USP25: variants seen among roughly 807,000 people sequenced by gnomAD.
USP25 encodes ubiquitin specific peptidase 25.
In USP25, 85 loss-of-function variants were observed where a neutral mutation model predicts 158.5. The ratio of observed to expected loss-of-function variants is 0.54; its 90% CI spans 0.45 to 0.64. USP25 has a LOEUF of 0.64. Ranked by LOEUF, USP25 falls within the 30% of genes least tolerant of loss-of-function variation. The pLI is 0.00. For synonymous variants in USP25, 464 were observed against 460.4 expected (o/e 1.01, Z -0.10); for missense variants, 1,242 against 1,327.3 (o/e 0.94, Z 1.00).
At position 15,786,385 on chromosome 21, in the gene USP25, A is replaced by G. The variant is rs188450458; in HGVS notation, c.393-5117A>G. Among the ~76,000 whole-genome samples, 105 of 152,282 alleles carry G rather than the reference A, an allele frequency of 6.9e-4. 1 individual carries two copies. In the East Asian group the frequency reaches 0.02, roughly 28 times the overall value. On this transcript the variant is annotated intron_variant, in intron 4 of 25. Coordinates refer to ENST00000400183, the MANE Select transcript of USP25 (RefSeq NM_001283041.3). ...CAACCTAGATGCAGAAATTCTCAAC[A>G]AGATTCTAGCACGTCCGATTCAACG...
intron 4 of USP25, among the ~76,000 whole-genome samples, chr21:15,787,703 A>G (rs1321701779): frequency 6.6e-6 from 1 of 152,024 alleles, no homozygotes; most frequent in Non-Finnish European, 1.5e-5. Context: ...TAGGAAATCA[A>G]ATGAGATGTT....
intron 9 of USP25, 70 bp downstream of exon 9, chr21:15,811,280 T>TA (rs1324875811): frequency 3.6e-6 from 5 of 1,393,016 alleles, no homozygotes; most frequent in Admixed American, 2.2e-5. Flanking sequence ...TCTCGATAGT[T>TA]ACTATTTTTT....
intron 9 of USP25, among the ~76,000 whole-genome samples, chr21:15,815,401 C>G (rs2146313087): frequency 6.6e-6 from 1 of 152,210 alleles, no homozygotes; most frequent in South Asian, 2.1e-4. Context: ...CCTCCAGACC[C>G]CAGAATGTTA....
intron 2 of USP25, among the ~76,000 whole-genome samples, chr21:15,763,851 T>C (rs2123412275): frequency 6.6e-6 from 1 of 152,304 alleles, no homozygotes; most frequent in Non-Finnish European, 1.5e-5. Flanking sequence ...TAGCTCATCC[T>C]AATAATAAAT....
At chr21:15,850,794 C>G (rs572232277) in intron 20 of USP25, among the ~76,000 whole-genome samples, 1 of 152,092 alleles carries the variant, frequency 6.6e-6, no homozygotes, top group African/African-American at 2.4e-5. Flanking sequence ...GTAGACCTAT[C>G]AATAAGCATT....
intron 20 of USP25, among the ~76,000 whole-genome samples, chr21:15,859,490 C>T (rs925471434): frequency 3.9e-5 from 6 of 152,024 alleles, no homozygotes; most frequent in African/African-American, 9.7e-5. Context: ...CCACTGCGCC[C>T]GGCCGCTTTC....
Position 15,847,683 on chromosome 21 carries a change from C to T in USP25, c.2358C>T (p.Ser786=), listed in dbSNP as rs1351694122. Reference sequence around the variant, plus strand: ...TGCAGAAACCTGAAAATACTACAAGCCAACCACTTTCTAATCAGCGAGTTG... The same window carrying T: ...TGCAGAAACCTGAAAATACTACAAGTCAACCACTTTCTAATCAGCGAGTTG... The part of the protein sequence containing the change: ...VLQSKPENTT[S]QPLSNQRVVE... The change falls in exon 19 of 26, where the codon AGC becomes AGT. Residue 786 remains serine, a synonymous_variant. Coordinates refer to ENST00000400183, the MANE Select transcript of USP25 (RefSeq NM_001283041.3). 3.9e-6 allele frequency: 6 copies of T among 1,549,848 alleles called. No individual in the cohort carries two copies. The highest frequency in any genetic ancestry group is 5.2e-6 in the Non-Finnish European group (6 of 1,146,474).
At position 15,765,621 on chromosome 21, in the gene USP25, G is replaced by C. The variant is rs946944151; in HGVS notation, c.124-376G>C. Among the ~76,000 whole-genome samples, 6 of 152,100 alleles carry C rather than the reference G, an allele frequency of 3.9e-5. No homozygotes were observed. The East Asian group carries it at 1.2e-3, about 29-fold the overall frequency. ...GGAATATCTTTTATTGTCCTTGTTT[G>C]TAGAAGTACTAATTTTAATACCCAT... On this transcript the variant is annotated intron_variant, in intron 2 of 25. Coordinates refer to ENST00000400183, the MANE Select transcript of USP25 (RefSeq NM_001283041.3).
chr21:15,769,925 ATGAGTGACAGG>A (rs2034254498), intron 3 of USP25, among the ~76,000 whole-genome samples: 1 of 152,096 alleles, frequency 6.6e-6, no homozygotes, highest in Non-Finnish European at 1.5e-5. Context: ...AAGACTTGAA[ATGAGTGACAGG>A]TGGTAAGACT....
At chr21:15,794,489 A>C (rs1259315980) in intron 5 of USP25, among the ~76,000 whole-genome samples, 1 of 151,622 alleles carries the variant, frequency 6.6e-6, no homozygotes, top group African/African-American at 2.4e-5. Flanking sequence ...TCACTGAATG[A>C]GTTAGCTATT....
chr21:15,767,005 T>C (rs1439984102), intron 3 of USP25, among the ~76,000 whole-genome samples: 1 of 152,110 alleles, frequency 6.6e-6, no homozygotes, highest in East Asian at 1.9e-4. Flanking sequence ...CTTAGCATTT[T>C]TGCTACATAG....
chr21:15,733,121 A>C (rs1163418776), intron 1 of USP25, among the ~76,000 whole-genome samples: 9 of 79,682 alleles, frequency 1.1e-4, no homozygotes, highest in African/African-American at 1.6e-4. Flanking sequence ...AAATGAGGAT[A>C]CTCCACGGCG....
chr21:15,818,954 TACTC>T, intron 10 of USP25, 108 bp downstream of exon 10: 6 of 1,303,490 alleles, frequency 4.6e-6, no homozygotes, highest in Non-Finnish European at 6.3e-6. Flanking sequence ...TGAGAGAGAA[TACTC>T]AGAGAGTATG....
intron 1 of USP25, among the ~76,000 whole-genome samples, chr21:15,739,228 G>C (rs2031811636): frequency 6.6e-6 from 1 of 151,972 alleles, no homozygotes; most frequent in Admixed American, 6.6e-5. Context: ...ATATTGATTA[G>C]AAGTGATAAC....
chr21:15,755,715 T>G (rs1421091355), intron 1 of USP25, among the ~76,000 whole-genome samples: 1 of 152,128 alleles, frequency 6.6e-6, no homozygotes, highest in Non-Finnish European at 1.5e-5. Flanking sequence ...TTCGATTAAT[T>G]GAGTGCTGAA....
chr21:15,801,604 C>G (rs1005266256), intron 6 of USP25, among the ~76,000 whole-genome samples: 3 of 151,512 alleles, frequency 2.0e-5, no homozygotes, highest in Non-Finnish European at 4.4e-5. Flanking sequence ...CCTATATTCA[C>G]TTGAGATGGT....
intron 12 of USP25, among the ~76,000 whole-genome samples, chr21:15,825,397 T>TC (rs2037452470): frequency 6.6e-6 from 1 of 152,232 alleles, no homozygotes; most frequent in African/African-American, 2.4e-5. Flanking sequence ...TCTGAGTTTT[T>TC]CTCCTTAAAA....
intron 3 of USP25, among the ~76,000 whole-genome samples, chr21:15,776,577 GT>G (rs201107463): frequency 3.0e-4 from 44 of 145,554 alleles, no homozygotes; most frequent in African/African-American, 7.5e-4. Flanking sequence ...TATCCTGTTT[GT>G]TTTTTTTTTC....
chr21:15,762,807 G>T, intron 1 of USP25, 84 bp from the exon 2 acceptor site: 3 of 1,309,088 alleles, frequency 2.3e-6, no homozygotes, highest in Admixed American at 4.8e-5. Flanking sequence ...GTTTGTTTTG[G>T]AAAACCAAAG....
Sources: gnomAD v4.1 joint callset for allele counts (sites outside exome capture counted in the v4.1 genomes callset) on GRCh38, gnomAD v4.1.1 for gene constraint, MANE v1.5 for transcripts, NCBI Gene and HGNC (gene_info 2026-07-23, HGNC 2026-07-21) for gene names.